Variants in PRKCA observed in about 807,000 individuals in gnomAD.
The protein encoded by PRKCA is protein kinase C alpha, also known as protein kinase C alpha type.
PRKCA carries 27 observed loss-of-function variants against 87.0 expected under a neutral mutation model. That is an observed-to-expected ratio of 0.31 (90% CI 0.23 to 0.43). The LOEUF (loss-of-function observed/expected upper bound fraction) is 0.43. Ranked by LOEUF, PRKCA falls within the 20% of genes least tolerant of loss-of-function variation. The pLI is 1.00. For synonymous variants in PRKCA, 329 were observed against 311.1 expected (o/e 1.06, Z -0.61); for missense variants, 518 against 852.3 (o/e 0.61, Z 4.88).
intron 3 of PRKCA, among the ~76,000 whole-genome samples, chr17:66,563,820 T>C (rs963709968): frequency 5.9e-5 from 9 of 152,252 alleles, no homozygotes; most frequent in Non-Finnish European, 8.8e-5. Context: ...CAGAGGTACG[T>C]TGGATTTCAG....
At chr17:66,665,611 G>A (rs931722922) in intron 5 of PRKCA, among the ~76,000 whole-genome samples, 3 of 152,114 alleles carry the variant, frequency 2.0e-5, no homozygotes, top group African/African-American at 7.2e-5. Context: ...TACCTGGAGT[G>A]GGGTAGAGTA....
At chr17:66,510,896 A>G (rs1917196471) in intron 3 of PRKCA, among the ~76,000 whole-genome samples, 1 of 151,992 alleles carries the variant, frequency 6.6e-6, no homozygotes, top group Non-Finnish European at 1.5e-5. Context: ...ACAGGCGTGC[A>G]CCACCATGCC....
chr17:66,727,277 G>T (rs568496284), intron 8 of PRKCA, among the ~76,000 whole-genome samples: 4 of 152,348 alleles, frequency 2.6e-5, no homozygotes, highest in African/African-American at 9.6e-5. Flanking sequence ...TCCAGAGAGA[G>T]TGGCGTGCAA....
chr17:66,607,618 TC>T (rs1970248303), intron 3 of PRKCA, among the ~76,000 whole-genome samples: 1 of 152,220 alleles, frequency 6.6e-6, no homozygotes, highest in African/African-American at 2.4e-5. Flanking sequence ...AACATCTGGT[TC>T]CTTAGCCAAT....
intron 2 of PRKCA, among the ~76,000 whole-genome samples, chr17:66,422,585 G>A (rs954446695): frequency 6.6e-6 from 1 of 152,170 alleles, no homozygotes; most frequent in African/African-American, 2.4e-5. Context: ...AGGGCTCTGT[G>A]CAATAATATA....
chr17:66,337,033 C>T (rs901917494), intron 2 of PRKCA, among the ~76,000 whole-genome samples: 4 of 152,044 alleles, frequency 2.6e-5, no homozygotes, highest in Non-Finnish European at 5.9e-5. Flanking sequence ...TTAGGTGATC[C>T]GCCCTCCTCG....
chr17:66,774,730 C>T, intron 14 of PRKCA: 4 of 985,550 alleles, frequency 4.1e-6, no homozygotes, highest in Non-Finnish European at 4.8e-6. Context: ...CAAAGATTGC[C>T]CCAGCTGCTG....
intron 3 of PRKCA, among the ~76,000 whole-genome samples, chr17:66,530,464 T>C (rs1567879028): frequency 6.6e-6 from 1 of 152,224 alleles, no homozygotes; most frequent in African/African-American, 2.4e-5. Flanking sequence ...TTTTCAGCTA[T>C]AGAGATGGCT....
At chr17:66,666,202 C>A (rs1330863361) in intron 5 of PRKCA, among the ~76,000 whole-genome samples, 2 of 152,156 alleles carry the variant, frequency 1.3e-5, no homozygotes, top group Non-Finnish European at 2.9e-5. Flanking sequence ...GTGCCTTCTC[C>A]CCTACAGACA....
At chr17:66,641,043 A>G (rs1971281814) in intron 3 of PRKCA, 3 of 314,796 alleles carry the variant, frequency 9.5e-6, no homozygotes, top group South Asian at 6.2e-5. Flanking sequence ...CTGTAATCCC[A>G]GTTACTCAGG....
chr17:66,461,871 G>A (rs1041564187), intron 2 of PRKCA, among the ~76,000 whole-genome samples: 3 of 120,826 alleles, frequency 2.5e-5, no homozygotes, highest in African/African-American at 1.3e-4. Context: ...CCTAACTATC[G>A]AGGAGGAGAC....
intron 3 of PRKCA, among the ~76,000 whole-genome samples, chr17:66,496,513 T>A (rs1158859134): frequency 2.6e-5 from 4 of 152,218 alleles, no homozygotes; most frequent in Admixed American, 1.3e-4. Flanking sequence ...TGTTCCACTT[T>A]GGGCAGCTGC....
Position 66,788,925 on chromosome 17 carries a change from C to G in PRKCA, c.1800C>G (p.Ile600Met). 6.2e-7 allele frequency: 1 copy of G among 1,614,024 alleles called. No individual in the cohort carries two copies. Among genetic ancestry groups the G allele is most frequent in the Non-Finnish European group, 8.5e-7 (1 of 1,179,990 alleles). ...DVREHAFFRRIDWEKLENREI... is the reference protein window; with the variant it reads ...DVREHAFFRRMDWEKLENREI... Reference sequence around the variant, plus strand: ...GAGAGCATGCCTTCTTCCGGAGGATCGACTGGGAAAAACTGGAGAACAGGG... The same window carrying G: ...GAGAGCATGCCTTCTTCCGGAGGATGGACTGGGAAAAACTGGAGAACAGGG... Residue 600 changes from isoleucine (I) to methionine (M), a missense_variant, in exon 16 of 17, where the codon ATC becomes ATG. Ile to Met is a conservative substitution (Grantham distance 10, BLOSUM62 1). This residue lies in a region of PRKCA where 159 missense variants were observed against 232.4 expected (regional missense o/e 0.68). Coordinates refer to ENST00000413366, the MANE Select transcript of PRKCA (RefSeq NM_002737.3).
chr17:66,473,816 C>T (rs562430470), intron 2 of PRKCA, among the ~76,000 whole-genome samples: 2 of 152,228 alleles, frequency 1.3e-5, no homozygotes, highest in South Asian at 4.2e-4. Context: ...TGCCTGTAAT[C>T]CTAGCTACTC....
intron 3 of PRKCA, among the ~76,000 whole-genome samples, chr17:66,547,001 C>T (rs1212827712): frequency 1.3e-5 from 2 of 152,168 alleles, no homozygotes; most frequent in Non-Finnish European, 2.9e-5. Context: ...TATCTGTCCC[C>T]TCCTCTGTAT....
chr17:66,620,325 A>C (rs1970640249), intron 3 of PRKCA, among the ~76,000 whole-genome samples: 1 of 152,134 alleles, frequency 6.6e-6, no homozygotes, highest in Admixed American at 6.5e-5. Context: ...CTCCATTTCC[A>C]CAAAGGGAGT....
chr17:66,336,944 A>G (rs930071187), intron 2 of PRKCA, among the ~76,000 whole-genome samples: 2 of 151,810 alleles, frequency 1.3e-5, no homozygotes, highest in African/African-American at 4.8e-5. Context: ...GCCCGCCACC[A>G]CGTCCAGCTA....
In PRKCA at chr17:66,803,732, C is replaced by T. The variant is rs1271167032; in HGVS notation, c.1855-141C>T. ...TGCCTGGCTTTTCAATCCAATAGGCCTGCAAGTCCTCCGAGATTCCTCCTC... is the reference window on the plus strand; with the variant it reads ...TGCCTGGCTTTTCAATCCAATAGGCTTGCAAGTCCTCCGAGATTCCTCCTC... On this transcript the variant is annotated intron_variant, in intron 16 of 16. Transcript: ENST00000413366. This position sits in a 1 kb window ranked among gnomAD's most constrained non-coding sequence, Gnocchi z 4.4. The T allele has an allele frequency of 1.7e-6, 2 of 1,159,776 alleles. No individual in the cohort carries two copies. The highest frequency in any genetic ancestry group is 2.4e-6 in the Non-Finnish European group (2 of 838,838). The allele number at this position is 1,159,776 out of a possible 1,614,324, so 71.8% of individuals were successfully genotyped here.
chr17:66,314,947 G>GTGTA lies in PRKCA; in HGVS notation c.205+8826_205+8829dup, dbSNP rs757755235. On this transcript the variant is annotated intron_variant, in intron 2 of 16. Transcript: ENST00000413366. ...TGTGTATATATATGTGTGTGTGTAT[G>GTGTA]TGTATGTATATATGTGTGTATATAT... Among the ~76,000 whole-genome samples the GTGTA allele has an allele frequency of 2.0e-5, 3 of 151,456 alleles. No homozygotes were observed. In the South Asian group the frequency reaches 6.3e-4, roughly 32 times the overall value.
Sources: gnomAD v4.1 joint callset for allele counts (sites outside exome capture counted in the v4.1 genomes callset) on GRCh38, gnomAD v4.1.1 for gene constraint, gnomAD v4.1.1 regional missense constraint, Gnocchi (gnomAD v3.1) non-coding constraint, MANE v1.5 for transcripts, NCBI Gene and HGNC (gene_info 2026-07-23, HGNC 2026-07-21) for gene names.